The following SCFD2 variants were observed in gnomAD, a reference collection of about 807,000 sequenced individuals.
The protein encoded by SCFD2 is sec1 family domain-containing protein 2.
SCFD2 carries 54 observed loss-of-function variants against 58.9 expected under a neutral mutation model. The ratio of observed to expected loss-of-function variants is 0.92; its 90% CI spans 0.74 to 1.15. SCFD2 has a LOEUF of 1.15. SCFD2 is among the 50% of genes most tolerant of loss of function. SCFD2 has a pLI of 0.00. For synonymous variants in SCFD2, 321 were observed against 335.9 expected (o/e 0.96, Z 0.49); for missense variants, 805 against 836.6 (o/e 0.96, Z 0.47).
intron 5 of SCFD2, among the ~76,000 whole-genome samples, chr4:53,065,926 ACATGCTTTTCATC>A (rs1723651271): frequency 6.6e-6 from 1 of 152,090 alleles, no homozygotes; most frequent in Non-Finnish European, 1.5e-5. Flanking sequence ...TAAAAATACC[ACATGCTTTTCATC>A]CATTTTCTCA....
chr4:53,365,959 C>T lies in SCFD2; in HGVS notation c.-18G>A. ...GCGCTCATGGTTGGGGATTCGCAGA[C>T]TTGGGAAACTACGGTGCAGGAACTT... is the stretch of plus-strand genomic sequence containing the variant. On this transcript the variant is annotated 5_prime_UTR_variant, in exon 1 of 9. Coordinates refer to ENST00000401642, the MANE Select transcript of SCFD2 (RefSeq NM_152540.4). This position sits in a 1 kb window ranked among gnomAD's most constrained non-coding sequence, Gnocchi z 4.3. 2 of 1,512,710 alleles carry T rather than the reference C, an allele frequency of 1.3e-6. No individual in the cohort carries two copies. The highest frequency in any genetic ancestry group is 1.8e-6 in the Non-Finnish European group (2 of 1,137,994). 93.7% of individuals were successfully genotyped at this position (1,512,710 alleles called of 1,614,324 possible).
chr4:52,898,576 T>C (rs1719091163), intron 7 of SCFD2, among the ~76,000 whole-genome samples: 1 of 152,224 alleles, frequency 6.6e-6, no homozygotes, highest in African/African-American at 2.4e-5. Context: ...CTTCCAACTA[T>C]GTGGTCAATT....
At chr4:53,325,440 A>T (rs1004353697) in intron 2 of SCFD2, among the ~76,000 whole-genome samples, 1 of 152,204 alleles carries the variant, frequency 6.6e-6, no homozygotes, top group African/African-American at 2.4e-5. Context: ...AGAAAGATGA[A>T]GGAGTAAAAA....
At chr4:53,130,199 A>C (rs751075284) in intron 5 of SCFD2, among the ~76,000 whole-genome samples, 2 of 152,218 alleles carry the variant, frequency 1.3e-5, no homozygotes, top group Non-Finnish European at 2.9e-5. Flanking sequence ...ATCCATCATA[A>C]AGGAAATTAT....
intron 5 of SCFD2, among the ~76,000 whole-genome samples, chr4:53,141,710 T>G (rs1726171808): frequency 6.6e-6 from 1 of 151,318 alleles, no homozygotes; most frequent in African/African-American, 2.4e-5. Flanking sequence ...TACCTCCAAT[T>G]TATACTGGAT....
chr4:52,877,686 T>C (rs1718510940), intron 8 of SCFD2, among the ~76,000 whole-genome samples: 1 of 152,252 alleles, frequency 6.6e-6, no homozygotes, highest in Non-Finnish European at 1.5e-5. Context: ...GTCCTCATTA[T>C]GTGCATCCCC....
chr4:53,256,605 G>A (rs1339077517), intron 4 of SCFD2, among the ~76,000 whole-genome samples: 1 of 152,066 alleles, frequency 6.6e-6, no homozygotes, highest in Non-Finnish European at 1.5e-5. Flanking sequence ...CTGAGTGAAC[G>A]AGACTCCATC....
At chr4:53,163,578 A>G (rs1487089723) in intron 4 of SCFD2, among the ~76,000 whole-genome samples, 1 of 152,134 alleles carries the variant, frequency 6.6e-6, no homozygotes, top group Admixed American at 6.5e-5. Flanking sequence ...TAAAAATATA[A>G]AACAATTAGC....
chr4:53,165,450 A>G (rs1726978102), intron 4 of SCFD2, among the ~76,000 whole-genome samples: 1 of 152,178 alleles, frequency 6.6e-6, no homozygotes, highest in South Asian at 2.1e-4. Flanking sequence ...CTGTAATCTC[A>G]GAGATCCATG....
At chr4:53,109,914 A>G (rs1257641724) in intron 5 of SCFD2, among the ~76,000 whole-genome samples, 1 of 152,062 alleles carries the variant, frequency 6.6e-6, no homozygotes, top group Non-Finnish European at 1.5e-5. Flanking sequence ...AGCCAAGACA[A>G]TCCTAAGCCA....
intron 5 of SCFD2, among the ~76,000 whole-genome samples, chr4:53,012,832 GTGTGTTT>G (rs1722127306): frequency 1.1e-5 from 1 of 90,576 alleles, no homozygotes; most frequent in African/African-American, 5.0e-5. Context: ...GTGTGTGTGT[GTGTGTTT>G]TTTTTTAAGA....
intron 4 of SCFD2, among the ~76,000 whole-genome samples, chr4:53,147,850 T>C (rs1451895020): frequency 1.3e-5 from 2 of 152,242 alleles, no homozygotes; most frequent in African/African-American, 4.8e-5. Flanking sequence ...GGCTGCTGCA[T>C]TCAAAGCCAT....
At chr4:53,287,700 C>A (rs1443669828) in intron 3 of SCFD2, among the ~76,000 whole-genome samples, 1 of 152,054 alleles carries the variant, frequency 6.6e-6, no homozygotes, top group Non-Finnish European at 1.5e-5. Context: ...AAACATGATG[C>A]CACCAAAGGA....
At chr4:52,962,900 A>G (rs1479171969) in intron 5 of SCFD2, among the ~76,000 whole-genome samples, 1 of 152,160 alleles carries the variant, frequency 6.6e-6, no homozygotes, top group African/African-American at 2.4e-5. Context: ...TCTTTTCCAA[A>G]TTAATTATCT....
At chr4:52,925,753 T>C (rs993574048) in intron 5 of SCFD2, among the ~76,000 whole-genome samples, 1 of 152,198 alleles carries the variant, frequency 6.6e-6, no homozygotes, top group African/African-American at 2.4e-5. Flanking sequence ...AAGCTGATTG[T>C]AACCTTTAGC....
chr4:53,282,960 A>G (rs907078647), intron 3 of SCFD2, among the ~76,000 whole-genome samples: 1 of 152,244 alleles, frequency 6.6e-6, no homozygotes, highest in Non-Finnish European at 1.5e-5. Flanking sequence ...CTCTGAGCAC[A>G]GAAGGAGCTA....
intron 5 of SCFD2, among the ~76,000 whole-genome samples, chr4:53,046,203 A>G (rs1179014174): frequency 6.6e-6 from 1 of 152,218 alleles, no homozygotes; most frequent in Non-Finnish European, 1.5e-5. Context: ...GGCATAAATT[A>G]AAATGAATAT....
intron 7 of SCFD2, among the ~76,000 whole-genome samples, chr4:52,902,733 C>A (rs988072200): frequency 6.6e-6 from 1 of 152,170 alleles, no homozygotes; most frequent in Non-Finnish European, 1.5e-5. Flanking sequence ...AAAGTAGATG[C>A]TATTATCATC....
intron 2 of SCFD2, among the ~76,000 whole-genome samples, chr4:53,351,318 A>G (rs1205029968): frequency 2.6e-5 from 4 of 152,120 alleles, no homozygotes; most frequent in African/African-American, 9.7e-5. Flanking sequence ...CCTCTTTTCT[A>G]AGTCATTCAA....
Sources: allele counts gnomAD v4.1 joint callset (sites outside exome capture counted in the v4.1 genomes callset), GRCh38; gene constraint gnomAD v4.1.1; non-coding constraint Gnocchi (gnomAD v3.1); transcripts MANE v1.5; gene names NCBI Gene and HGNC (gene_info 2026-07-23, HGNC 2026-07-21).